Variants in CRISP3 observed in about 807,000 individuals in gnomAD.
CRISP3 encodes cysteine rich secretory protein 3.
In CRISP3, 33 loss-of-function variants were observed where a neutral mutation model predicts 36.1. That is an observed-to-expected ratio of 0.91 (90% CI 0.69 to 1.22). The LOEUF is 1.22. Among genes scored for constraint, CRISP3 ranks in the 50% most tolerant of loss-of-function variants. The pLI is 0.00. For missense variants in CRISP3, 330 were observed against 301.2 expected, an observed-to-expected ratio of 1.10 and a Z score of -0.71; for synonymous variants, 117 against 104.6, an observed-to-expected ratio of 1.12 and a Z score of -0.72.
Position 49,731,231 on chromosome 6 carries a change from A to T in CRISP3, c.581T>A (p.Leu194Gln). The T allele has an allele frequency of 1.2e-6, 2 of 1,606,944 alleles. No homozygotes were observed. Among genetic ancestry groups the T allele is most frequent in the Non-Finnish European group, 1.7e-6 (2 of 1,176,670 alleles). The change falls in exon 7 of 8, where the codon CTA becomes CAA. Residue 194 changes from leucine (L) to glutamine (Q), a missense_variant. Leu to Gln is a moderately radical substitution (Grantham distance 113). Transcript: ENST00000263045. ...YCPAGNWANR[L>Q]YVPYEQGAPC... ...TGCTCCTTGTTCATAAGGGACATATAGTCTATTAGCCCAATTACCACTGAA... is the reference window on the plus strand; with the variant it reads ...TGCTCCTTGTTCATAAGGGACATATTGTCTATTAGCCCAATTACCACTGAA...
At chr6:49,731,289 T>G (rs1364002099) in intron 6 of CRISP3, 38 bp from the exon 7 acceptor site, 1 of 1,415,994 alleles carries the variant, frequency 7.1e-7, no homozygotes, top group Non-Finnish European at 9.9e-7. Flanking sequence ...ATTTTTCATT[T>G]TTATGTTTCG....
chr6:49,731,190 G>C lies in CRISP3; in HGVS notation c.622C>G (p.Pro208Ala). ...YEQGAPCASC[P>A]DNCDDGLCTN... ...CATAGTCCATCGTCACAGTTATCTG[G>C]GCAACTGGCACAAGGTGCTCCTTGT... is the stretch of plus-strand genomic sequence containing the variant. The change falls in exon 7 of 8, where the codon CCA becomes GCA. Residue 208 changes from proline to alanine, a missense_variant. Transcript: ENST00000263045. 6.2e-7 allele frequency: 1 copy of C among 1,610,194 alleles called. No individual in the cohort carries two copies. Among genetic ancestry groups the C allele is most frequent in the Non-Finnish European group, 8.5e-7 (1 of 1,177,872 alleles).
chr6:49,733,798 A>C lies in CRISP3; in HGVS notation c.367T>G (p.Ser123Ala), dbSNP rs942461836. 6.2e-7 allele frequency: 1 copy of C among 1,613,894 alleles called. No homozygotes were observed. Among genetic ancestry groups the C allele is most frequent in the Non-Finnish European group, 8.5e-7 (1 of 1,179,808 alleles). The change falls in exon 5 of 8, where the codon TCA becomes GCA. Residue 123 changes from serine (S) to alanine (A), a missense_variant. Ser to Ala is a moderately conservative substitution (Grantham distance 99). Transcript: ENST00000263045. ...LYMSSASSSW[S>A]QAIQSWFDEY... ...TCAAACCAGCTTTGGATTGCTTGTG[A>C]CCATGAGCTGGAGGCACTTGACATG...
intron 3 of CRISP3, among the ~76,000 whole-genome samples, chr6:49,735,968 T>C (rs1769041341): frequency 6.6e-6 from 1 of 152,150 alleles, no homozygotes; most frequent in African/African-American, 2.4e-5. Flanking sequence ...CAGTTCTTTT[T>C]TTCTTTTTTT....
intron 1 of CRISP3, among the ~76,000 whole-genome samples, chr6:49,740,112 T>C (rs2127453305): frequency 6.6e-6 from 1 of 152,344 alleles, no homozygotes; most frequent in East Asian, 1.9e-4. Flanking sequence ...GAAGCATAAA[T>C]GTATATAATA....
intron 5 of CRISP3, 131 bp from the exon 6 acceptor site, chr6:49,733,423 A>G: frequency 6.2e-6 from 4 of 649,354 alleles, no homozygotes; most frequent in East Asian, 2.7e-5. Context: ...TTATGGCTAT[A>G]TTTAGTTAAA....
At chr6:49,739,277 T>C (rs1379079338) in intron 1 of CRISP3, among the ~76,000 whole-genome samples, 1 of 152,228 alleles carries the variant, frequency 6.6e-6, no homozygotes, top group African/African-American at 2.4e-5. Flanking sequence ...TTAGGTATTC[T>C]TCTTTCCTTT....
Position 49,728,544 on chromosome 6 carries a change from C to CAAA in CRISP3, c.*185_*186insTTT. The CAAA allele has an allele frequency of 2.4e-6, 1 of 420,668 alleles. No homozygotes were observed. Among genetic ancestry groups the CAAA allele is most frequent in the Non-Finnish European group, 4.0e-6 (1 of 252,910 alleles). The allele number at this position is 420,668 out of a possible 1,614,324, so 26.1% of individuals were successfully genotyped here. A position where few individuals can be genotyped will look rare whatever the true frequency, so the allele number is the denominator to read the frequency against. ...TGTTATAGATTTTGTTTCTTTTTAA[C>CAAA]CATTTGTATGAAAAATATTTTTGTA... is the stretch of plus-strand genomic sequence containing the variant. On this transcript the variant is annotated 3_prime_UTR_variant, in exon 8 of 8. Coordinates refer to ENST00000263045, the MANE Select transcript of CRISP3 (RefSeq NM_006061.4).
intron 6 of CRISP3, among the ~76,000 whole-genome samples, chr6:49,731,848 A>G (rs1249837553): frequency 6.6e-6 from 1 of 152,096 alleles, no homozygotes; most frequent in Non-Finnish European, 1.5e-5. Flanking sequence ...GGGAATGTCT[A>G]CAGGTGGTGT....
chr6:49,735,459 T>C, intron 4 of CRISP3, 45 bp downstream of exon 4: 1 of 1,422,412 alleles, frequency 7.0e-7, no homozygotes, highest in Non-Finnish European at 9.8e-7. Flanking sequence ...TGGTTTATTA[T>C]TTTACTTGTT....
intron 1 of CRISP3, among the ~76,000 whole-genome samples, chr6:49,738,003 G>A (rs867238649): frequency 1.3e-5 from 2 of 152,094 alleles, no homozygotes; most frequent in Non-Finnish European, 2.9e-5. Context: ...CATGCAGCCA[G>A]CATCCTAACT....
intron 1 of CRISP3, among the ~76,000 whole-genome samples, chr6:49,737,778 A>C (rs1230916416): frequency 6.6e-6 from 1 of 152,160 alleles, no homozygotes; most frequent in Non-Finnish European, 1.5e-5. Context: ...TATTACTGGG[A>C]TACTACTGCA....
rs1417023988 is a variant in CRISP3, at chr6:49,736,461, C to A, written c.158G>T (p.Arg53Met). 1 of 1,613,822 alleles carries A rather than the reference C, an allele frequency of 6.2e-7. No homozygotes were observed. ...ALLTTQTQVQREIVNKHNELR... is the reference protein window; with the variant it reads ...ALLTTQTQVQMEIVNKHNELR... ...TTCATTGTGCTTATTCACAATCTCCCTTTGCACTTGTGTTTGGGTGGTTAA... is the reference window on the plus strand; with the variant it reads ...TTCATTGTGCTTATTCACAATCTCCATTTGCACTTGTGTTTGGGTGGTTAA... Residue 53 changes from arginine (R) to methionine (M), a missense_variant, in exon 3 of 8, where the codon AGG (arginine) becomes ATG (methionine). Physicochemically the swap from Arg to Met is moderately conservative, Grantham distance 91. Transcript: ENST00000263045.
chr6:49,734,817 TA>T (rs1445926650), intron 4 of CRISP3, among the ~76,000 whole-genome samples: 1 of 152,148 alleles, frequency 6.6e-6, no homozygotes, highest in Non-Finnish European at 1.5e-5. Flanking sequence ...GATAATTTAA[TA>T]AGTATTTTAT....
At position 49,727,897 on chromosome 6, in the gene CRISP3, A is replaced by G. The variant is rs989796036; in HGVS notation, c.*833T>C. ...ATTTTGATCACTTGGTGAAGACGTC[A>G]TTTGTCATTTTTCTCCCCTGTAAAG... On this transcript the variant is annotated 3_prime_UTR_variant, in exon 8 of 8. Transcript: ENST00000263045. The G allele has an allele frequency of 6.6e-6, 1 of 152,074 alleles. No homozygotes were observed. Among genetic ancestry groups the G allele is most frequent in the South Asian group, 2.1e-4 (1 of 4,828 alleles). 9.4% of individuals were successfully genotyped at this position (152,074 alleles called of 1,614,324 possible).
chr6:49,731,149 CACT>C lies in CRISP3; in HGVS notation c.649+11_649+13del. ...CATTTTATTTTATTATCAAGTTAATCACTTCAAACTTACTGCATAGTCCATCGT... is the reference window on the plus strand; with the variant it reads ...CATTTTATTTTATTATCAAGTTAATCTCAAACTTACTGCATAGTCCATCGT... On this transcript the variant is annotated intron_variant, in intron 7 of 7. Coordinates refer to ENST00000263045, the MANE Select transcript of CRISP3 (RefSeq NM_006061.4). The C allele has an allele frequency of 1.3e-6, 2 of 1,524,764 alleles. No homozygotes were observed. Among genetic ancestry groups the C allele is most frequent in the Admixed American group, 3.8e-5 (2 of 52,104 alleles). 94.5% of individuals were successfully genotyped at this position (1,524,764 alleles called of 1,614,324 possible).
At chr6:49,730,897 T>C (rs1369094930) in intron 7 of CRISP3, among the ~76,000 whole-genome samples, 1 of 151,952 alleles carries the variant, frequency 6.6e-6, no homozygotes, top group Non-Finnish European at 1.5e-5. Context: ...CAAAAATTAA[T>C]CAGGTGTGGT....
intron 7 of CRISP3, among the ~76,000 whole-genome samples, chr6:49,729,174 G>A (rs1380927174): frequency 6.6e-6 from 1 of 151,970 alleles, no homozygotes; most frequent in Non-Finnish European, 1.5e-5. Context: ...GTAGATATTT[G>A]TCATGCGGTT....
intron 3 of CRISP3, 32 bp from the exon 4 acceptor site, chr6:49,735,623 T>G: frequency 1.3e-6 from 2 of 1,539,262 alleles, no homozygotes; most frequent in Non-Finnish European, 9.0e-7. Flanking sequence ...GATATCCACT[T>G]AATGTCTCAA....
Sources: allele counts gnomAD v4.1 joint callset (sites outside exome capture counted in the v4.1 genomes callset), GRCh38; gene constraint gnomAD v4.1.1; transcripts MANE v1.5; gene names NCBI Gene and HGNC (gene_info 2026-07-23, HGNC 2026-07-21).